IGF2BP2: variants seen among roughly 807,000 people sequenced by gnomAD.
IGF2BP2 encodes the protein insulin like growth factor 2 mRNA binding protein 2, also known as insulin-like growth factor 2 mRNA-binding protein 2.
A neutral mutation model predicts 75.8 loss-of-function variants in IGF2BP2; 17 were observed. That is an observed-to-expected ratio of 0.22 (90% CI 0.15 to 0.34). IGF2BP2 has a LOEUF of 0.34. Ranked by LOEUF, IGF2BP2 falls within the 10% of genes least tolerant of loss-of-function variation. The pLI is 1.00. For synonymous variants in IGF2BP2, 288 were observed against 295.6 expected, an observed-to-expected ratio of 0.97 and a Z score of 0.26; for missense variants, 516 against 772.4, an observed-to-expected ratio of 0.67 and a Z score of 3.93.
In IGF2BP2 at chr3:185,649,358, G is replaced by A. The variant is rs111523243; in HGVS notation, c.1593+45C>T. Reference sequence around the variant, plus strand: ...GAGGGAACTCAGGCAAGGCCAGAGCGGGGAATCTGACCCAGGTGATGAAGC... The same window carrying A: ...GAGGGAACTCAGGCAAGGCCAGAGCAGGGAATCTGACCCAGGTGATGAAGC... On this transcript the variant is annotated intron_variant, in intron 14 of 15. Coordinates refer to ENST00000382199, the MANE Select transcript of IGF2BP2 (RefSeq NM_006548.6). The A allele has an allele frequency of 9.4e-5, 151 of 1,606,590 alleles. No homozygotes were observed. The East Asian group carries it at 2.1e-3, about 23-fold the overall frequency.
chr3:185,680,172 A>T (rs1339361687), intron 7 of IGF2BP2, among the ~76,000 whole-genome samples: 1 of 152,230 alleles, frequency 6.6e-6, no homozygotes, highest in East Asian at 1.9e-4. Context: ...AATATTATGA[A>T]GAATTGTATG....
At chr3:185,670,927 A>G (rs35259279) in intron 10 of IGF2BP2, among the ~76,000 whole-genome samples, 16,699 of 152,246 alleles carry the variant, frequency 0.11, 1,170 homozygotes, top group Middle Eastern at 0.2. Context: ...CTCCCCACTT[A>G]TATTACCTAT....
At chr3:185,787,298 T>A (rs1736027733) in intron 2 of IGF2BP2, among the ~76,000 whole-genome samples, 1 of 152,090 alleles carries the variant, frequency 6.6e-6, no homozygotes, top group Admixed American at 6.6e-5. Context: ...GGCGATGTTA[T>A]ATGTATTTTA....
intron 2 of IGF2BP2, among the ~76,000 whole-genome samples, chr3:185,712,186 CTTA>C (rs1553867715): frequency 6.6e-6 from 1 of 152,124 alleles, no homozygotes; most frequent in Non-Finnish European, 1.5e-5. Flanking sequence ...ACAGATTATG[CTTA>C]TTTTTTATTT....
At chr3:185,693,808 T>G (rs1277515603) in intron 4 of IGF2BP2, among the ~76,000 whole-genome samples, 2 of 152,152 alleles carry the variant, frequency 1.3e-5, no homozygotes, top group Non-Finnish European at 2.9e-5. Flanking sequence ...TTAAAGATAA[T>G]TCAAGAAAAT....
At chr3:185,742,684 A>G (rs1342668353) in intron 2 of IGF2BP2, among the ~76,000 whole-genome samples, 1 of 151,978 alleles carries the variant, frequency 6.6e-6, no homozygotes, top group African/African-American at 2.4e-5. Context: ...AAGTGAAACA[A>G]AAACAGCTGA....
intron 10 of IGF2BP2, among the ~76,000 whole-genome samples, chr3:185,666,850 T>C (rs1717719337): frequency 6.6e-6 from 1 of 152,184 alleles, no homozygotes; most frequent in Admixed American, 6.5e-5. Context: ...TAATAATCAG[T>C]CTTTCTCCAA....
At chr3:185,794,722 T>G (rs1244166606) in intron 2 of IGF2BP2, among the ~76,000 whole-genome samples, 1 of 151,794 alleles carries the variant, frequency 6.6e-6, no homozygotes, top group Non-Finnish European at 1.5e-5. Flanking sequence ...TGGTGGTAAG[T>G]ACATTCATGC....
chr3:185,701,095 T>A (rs1282001293), intron 2 of IGF2BP2, among the ~76,000 whole-genome samples: 1 of 152,128 alleles, frequency 6.6e-6, no homozygotes, highest in African/African-American at 2.4e-5. Flanking sequence ...TATATTTTTT[T>A]AAATTATTAA....
intron 7 of IGF2BP2, among the ~76,000 whole-genome samples, chr3:185,686,360 G>C (rs1408877850): frequency 6.6e-6 from 1 of 151,428 alleles, no homozygotes; most frequent in African/African-American, 2.4e-5. Flanking sequence ...CTCCAGCCTA[G>C]GGCAACAGAG....
chr3:185,672,783 C>T (rs1459023281), intron 9 of IGF2BP2, 114 bp from the exon 10 acceptor site: 2 of 1,179,708 alleles, frequency 1.7e-6, no homozygotes, highest in East Asian at 2.5e-5. Context: ...ATCAGCTCTG[C>T]CCAGGCTCTT....
At chr3:185,787,263 A>G (rs556314896) in intron 2 of IGF2BP2, among the ~76,000 whole-genome samples, 1 of 152,330 alleles carries the variant, frequency 6.6e-6, no homozygotes, top group South Asian at 2.1e-4. Context: ...TGAGTTGCAC[A>G]CTTAAAAATG....
intron 10 of IGF2BP2, among the ~76,000 whole-genome samples, chr3:185,666,848 A>C (rs1216405296): frequency 6.6e-6 from 1 of 152,216 alleles, no homozygotes; most frequent in Non-Finnish European, 1.5e-5. Flanking sequence ...GGTAATAATC[A>C]GTCTTTCTCC....
chr3:185,714,287 C>T (rs983552487), intron 2 of IGF2BP2, among the ~76,000 whole-genome samples: 4 of 152,006 alleles, frequency 2.6e-5, no homozygotes, highest in Admixed American at 1.3e-4. Flanking sequence ...CATAATTAAA[C>T]TGGTCTTCTA....
chr3:185,686,906 AC>A (rs1721214007), intron 7 of IGF2BP2, 150 bp downstream of exon 7: 1 of 790,870 alleles, frequency 1.3e-6, no homozygotes, highest in Non-Finnish European at 2.0e-6. Context: ...ACTGTATTCT[AC>A]TTGGGAACAA....
intron 12 of IGF2BP2, among the ~76,000 whole-genome samples, chr3:185,655,805 C>T (rs1715347987): frequency 6.6e-6 from 1 of 152,212 alleles, no homozygotes; most frequent in African/African-American, 2.4e-5. Flanking sequence ...AACAGGATAA[C>T]CTGGGCAAAT....
intron 2 of IGF2BP2, among the ~76,000 whole-genome samples, chr3:185,801,830 T>C (rs1034988693): frequency 2.0e-5 from 3 of 152,110 alleles, no homozygotes; most frequent in South Asian, 2.1e-4. Context: ...TGGAATACTA[T>C]GTAGCCATAA....
intron 2 of IGF2BP2, chr3:185,722,017 T>C (rs947262938): frequency 3.8e-6 from 1 of 260,666 alleles, no homozygotes. Flanking sequence ...TGTTTTTTTT[T>C]TTAATTTTAT....
intron 2 of IGF2BP2, among the ~76,000 whole-genome samples, chr3:185,754,210 A>G (rs112353567): frequency 0.023 from 3,537 of 152,112 alleles, 68 homozygotes; most frequent in Middle Eastern, 0.054. Flanking sequence ...CCCTGTCTCA[A>G]AAAATAAATA....
Sources: allele counts gnomAD v4.1 joint callset (sites outside exome capture counted in the v4.1 genomes callset), GRCh38; gene constraint gnomAD v4.1.1; transcripts MANE v1.5; gene names NCBI Gene and HGNC (gene_info 2026-07-23, HGNC 2026-07-21).